AKR1B1: variants seen among roughly 807,000 people sequenced by gnomAD.
The protein encoded by AKR1B1 is aldo-keto reductase family 1 member B.
A neutral mutation model predicts 40.4 loss-of-function variants in AKR1B1; 22 were observed. That is an observed-to-expected ratio of 0.54 (90% CI 0.39 to 0.78). The LOEUF is 0.78. AKR1B1 is among the 30% of genes least tolerant of loss of function. The pLI is 0.00. For synonymous variants in AKR1B1, 157 were observed against 149.9 expected (o/e 1.05, Z -0.35); for missense variants, 357 against 396.7 (o/e 0.90, Z 0.85).
chr7:134,447,079 C>G (rs949775751), intron 8 of AKR1B1, among the ~76,000 whole-genome samples: 2 of 152,168 alleles, frequency 1.3e-5, no homozygotes, highest in African/African-American at 4.8e-5. Flanking sequence ...TAGGTGTATG[C>G]GTGCACAGCA....
chr7:134,457,757 T>C (rs1455691226), intron 1 of AKR1B1, among the ~76,000 whole-genome samples: 3 of 152,080 alleles, frequency 2.0e-5, no homozygotes, highest in Admixed American at 1.3e-4. Flanking sequence ...ACCTGTAGCT[T>C]TGGGAGGCGA....
intron 1 of AKR1B1, 184 bp from the exon 2 acceptor site, chr7:134,451,937 G>A (rs1026525272): frequency 3.0e-6 from 2 of 676,628 alleles, no homozygotes; most frequent in Non-Finnish European, 5.3e-6. Context: ...GAAGTGAAAG[G>A]CCACACAGCA....
intron 8 of AKR1B1, among the ~76,000 whole-genome samples, chr7:134,446,599 AC>A (rs1562905927): frequency 6.8e-6 from 1 of 145,990 alleles, no homozygotes; most frequent in Non-Finnish European, 1.5e-5. Context: ...CCTCCCCCAC[AC>A]CCCCGCCACC....
At position 134,449,377 on chromosome 7, in the gene AKR1B1, G is replaced by A. The variant is rs892333651; in HGVS notation, c.430-258C>T. On this transcript the variant is annotated intron_variant, in intron 4 of 9. Coordinates refer to ENST00000285930, the MANE Select transcript of AKR1B1 (RefSeq NM_001628.4). Reference sequence around the variant, plus strand: ...TGAGGCGGGCGGATCACGAGGTCAGGAGATCAAGACCATCCTGGCTAACAC... The same window carrying A: ...TGAGGCGGGCGGATCACGAGGTCAGAAGATCAAGACCATCCTGGCTAACAC... 2.1e-4 allele frequency: 121 copies of A among 572,490 alleles called. 1 individual carries two copies. Among genetic ancestry groups the A allele is most frequent in the Non-Finnish European group, 8.5e-5 (27 of 319,302 alleles). 35.5% of individuals were successfully genotyped at this position (572,490 alleles called of 1,614,324 possible).
chr7:134,446,838 CA>C (rs1321235000), intron 8 of AKR1B1, among the ~76,000 whole-genome samples: 1 of 152,250 alleles, frequency 6.6e-6, no homozygotes, highest in Non-Finnish European at 1.5e-5. Flanking sequence ...AGGTATTAAG[CA>C]CCATGTGAAG....
At chr7:134,450,375 A>G (rs1298120625) in intron 3 of AKR1B1, among the ~76,000 whole-genome samples, 1 of 152,202 alleles carries the variant, frequency 6.6e-6, no homozygotes, top group Non-Finnish European at 1.5e-5. Context: ...CAGGGTATGC[A>G]TGTAGAACGT....
chr7:134,454,167 C>T (rs1806391906), intron 1 of AKR1B1, among the ~76,000 whole-genome samples: 1 of 152,226 alleles, frequency 6.6e-6, no homozygotes. Context: ...GATCCTGCCA[C>T]TAATCTGTGT....
At chr7:134,442,836 A>G (rs1272330637) in intron 9 of AKR1B1, 66 bp from the exon 10 acceptor site, 4 of 1,441,240 alleles carry the variant, frequency 2.8e-6, no homozygotes, top group Non-Finnish European at 3.9e-6. Context: ...CCAACTCCCA[A>G]CAGAGAAATG....
chr7:134,448,983 T>C lies in AKR1B1; in HGVS notation c.552+14A>G, dbSNP rs13306162. The C allele has an allele frequency of 1.5e-4, 239 of 1,613,972 alleles. 3 individuals carry two copies. In the East Asian group the frequency reaches 5.1e-3, roughly 34 times the overall value. On this transcript the variant is annotated intron_variant, in intron 5 of 9. Transcript: ENST00000285930. ...AGCAACGTTGCAATGCCAGTGTCGT[T>C]GGGGGATGTTTACCTGGTTAACTGC...
chr7:134,455,358 G>A (rs966513808), intron 1 of AKR1B1, among the ~76,000 whole-genome samples: 1 of 152,152 alleles, frequency 6.6e-6, no homozygotes, highest in African/African-American at 2.4e-5. Flanking sequence ...GCTCCTAGGT[G>A]GGAGGGAGGT....
chr7:134,447,470 G>C, intron 7 of AKR1B1, 89 bp from the exon 8 acceptor site: 1 of 1,154,242 alleles, frequency 8.7e-7, no homozygotes, highest in African/African-American at 1.5e-5. Context: ...CCTGCAGAAG[G>C]ACGTGCTAGA....
intron 2 of AKR1B1, chr7:134,451,383 G>T: frequency 1.5e-6 from 1 of 675,590 alleles, no homozygotes; most frequent in Non-Finnish European, 2.6e-6. Flanking sequence ...TAAGCAATGG[G>T]CCCAGATGGA....
intron 8 of AKR1B1, 33 bp downstream of exon 8, chr7:134,447,265 A>G (rs1806129355): frequency 1.3e-6 from 2 of 1,573,126 alleles, no homozygotes; most frequent in South Asian, 1.1e-5. Context: ...CACTCCATGG[A>G]GGAGGGCCAG....
Position 134,442,374 on chromosome 7 carries a change from T to G in AKR1B1, c.*354A>C. 1 of 215,248 alleles carries G rather than the reference T, an allele frequency of 4.6e-6. No individual in the cohort carries two copies. The allele number at this position is 215,248 out of a possible 1,614,324, so 13.3% of individuals were successfully genotyped here. ...ACCAAGCTCACAAAAGCACTTTTTA[T>G]TTGAGGCAAAGAGAAGTCTTGCTGA... is the stretch of plus-strand genomic sequence containing the variant. On this transcript the variant is annotated 3_prime_UTR_variant, in exon 10 of 10. Coordinates refer to ENST00000285930, the MANE Select transcript of AKR1B1 (RefSeq NM_001628.4).
intron 2 of AKR1B1, 93 bp downstream of exon 2, chr7:134,451,493 T>C (rs1806285956): frequency 7.5e-6 from 11 of 1,459,088 alleles, no homozygotes; most frequent in Admixed American, 1.7e-5. Flanking sequence ...CAGTGAAAAG[T>C]GTAGCTGTAT....
chr7:134,448,288 T>C, intron 6 of AKR1B1, 99 bp downstream of exon 6: 1 of 1,169,582 alleles, frequency 8.6e-7, no homozygotes, highest in African/African-American at 1.5e-5. Context: ...GTTTTGCAGA[T>C]CACCCCCAGA....
At chr7:134,459,104 C>G, upstream of AKR1B1, 1 of 1,579,550 alleles carries the variant, frequency 6.3e-7, no homozygotes, top group Non-Finnish European at 8.6e-7. Flanking sequence ...ACGGTGCGGC[C>G]TTGGCCGCGG....
intron 8 of AKR1B1, 94 bp downstream of exon 8, chr7:134,447,204 G>C (rs1780446329): frequency 2.6e-6 from 3 of 1,141,504 alleles, no homozygotes; most frequent in African/African-American, 1.5e-5. Context: ...GGATGGTGGT[G>C]ATCCCACAGA....
At position 134,447,322 on chromosome 7, in the gene AKR1B1, T is replaced by G; in HGVS notation, c.801A>C (p.Pro267=). The change falls in exon 8 of 10, where the codon CCA becomes CCC. Residue 267 remains proline, a synonymous_variant. Transcript: ENST00000285930. ...NLVVIPKSVT[P]ERIAENFKVF... ...CCTTAAAGTTCTCAGCAATGCGTTC[T>G]GGTGTCACAGACTTGGGGATCACCA... 1 of 1,614,124 alleles carries G rather than the reference T, an allele frequency of 6.2e-7. No individual in the cohort carries two copies. Among genetic ancestry groups the G allele is most frequent in the South Asian group, 1.1e-5 (1 of 91,078 alleles).
Sources: gnomAD v4.1 joint callset for allele counts (sites outside exome capture counted in the v4.1 genomes callset) on GRCh38, gnomAD v4.1.1 for gene constraint, MANE v1.5 for transcripts, NCBI Gene and HGNC (gene_info 2026-07-23, HGNC 2026-07-21) for gene names.